Variants in DIRAS2 observed in about 807,000 individuals in gnomAD.
DIRAS2 encodes GTP-binding protein Di-Ras2.
DIRAS2 carries 5 observed loss-of-function variants against 13.9 expected under a neutral mutation model. That is an observed-to-expected ratio of 0.36 (90% CI 0.19 to 0.76). The LOEUF is 0.76. Ranked by LOEUF, DIRAS2 falls within the 30% of genes least tolerant of loss-of-function variation. The pLI, the probability that DIRAS2 is intolerant of heterozygous loss-of-function variation, is 0.53. For synonymous variants in DIRAS2, 111 were observed against 105.4 expected (o/e 1.05, Z -0.33); for missense variants, 191 against 263.0 (o/e 0.73, Z 1.89).
At chr9:90,620,339 A>T (rs904246559) in intron 1 of DIRAS2, among the ~76,000 whole-genome samples, 1 of 152,234 alleles carries the variant, frequency 6.6e-6, no homozygotes, top group Non-Finnish European at 1.5e-5. Flanking sequence ...AACAGACCTC[A>T]GCTTTATTCC....
At chr9:90,630,650 A>T (rs1037142461) in intron 1 of DIRAS2, among the ~76,000 whole-genome samples, 1 of 152,252 alleles carries the variant, frequency 6.6e-6, no homozygotes, top group Admixed American at 6.5e-5. Flanking sequence ...CAAAAAAAAG[A>T]GTTGCAGAAC....
chr9:90,623,441 A>C (rs1196957977), intron 1 of DIRAS2, among the ~76,000 whole-genome samples: 1 of 152,078 alleles, frequency 6.6e-6, no homozygotes, highest in Non-Finnish European at 1.5e-5. Context: ...AAGCTTATAC[A>C]TAGACAGCTA....
At chr9:90,634,306 G>C (rs1037850352) in intron 1 of DIRAS2, among the ~76,000 whole-genome samples, 4 of 152,210 alleles carry the variant, frequency 2.6e-5, no homozygotes, top group African/African-American at 9.6e-5. Context: ...GGTCAGAAGA[G>C]AGCAAGGGCA....
Position 90,613,982 on chromosome 9 carries a change from G to T in DIRAS2, c.-36-119C>A. On this transcript the variant is annotated intron_variant, in intron 1 of 1. Transcript: ENST00000375765. The surrounding 1 kb of genome is among the most constrained non-coding windows in gnomAD (Gnocchi z 5.6). ...GGGAGGTGATAACATTTAAAATAGCGACAATTCTAAATCCAATAAATTTGG... is the reference window on the plus strand; with the variant it reads ...GGGAGGTGATAACATTTAAAATAGCTACAATTCTAAATCCAATAAATTTGG... The T allele has an allele frequency of 9.7e-7, 1 of 1,036,232 alleles. No individual in the cohort carries two copies. The highest frequency in any genetic ancestry group is 1.4e-6 in the Non-Finnish European group (1 of 736,506). The allele number at this position is 1,036,232 out of a possible 1,614,324, so 64.2% of individuals were successfully genotyped here. A position where few individuals can be genotyped will look rare whatever the true frequency, so the allele number is the denominator to read the frequency against.
In DIRAS2 at chr9:90,642,409, A is replaced by T. The variant is rs117249017; in HGVS notation, c.-37+343T>A. Among the ~76,000 whole-genome samples the T allele has an allele frequency of 9.5e-3, 1,447 of 152,266 alleles. 10 individuals are homozygous for T. The highest frequency in any genetic ancestry group is 0.016 in the Non-Finnish European group (1,071 of 68,020). On this transcript the variant is annotated intron_variant, in intron 1 of 1. Transcript: ENST00000375765. ...TTCTCACTTTAGACCACATCTTCTT[A>T]CTCTTTTCCTAAATCCATTAAACTT... is the stretch of plus-strand genomic sequence containing the variant.
intron 1 of DIRAS2, among the ~76,000 whole-genome samples, chr9:90,619,351 G>C (rs927383606): frequency 6.6e-6 from 1 of 152,126 alleles, no homozygotes; most frequent in African/African-American, 2.4e-5. Context: ...GCTGAGGCAG[G>C]AGAATCACTT....
chr9:90,616,979 G>A (rs1005562047), intron 1 of DIRAS2, among the ~76,000 whole-genome samples: 3 of 152,132 alleles, frequency 2.0e-5, no homozygotes, highest in Non-Finnish European at 4.4e-5. Flanking sequence ...ATCTAGCTCT[G>A]CCTGGAGCCC....
intron 1 of DIRAS2, among the ~76,000 whole-genome samples, chr9:90,642,350 A>G (rs890509546): frequency 1.1e-4 from 17 of 152,236 alleles, no homozygotes; most frequent in Non-Finnish European, 2.5e-4. Flanking sequence ...AAGCATGCCG[A>G]ACCAAACGGC....
chr9:90,621,516 T>C (rs774589548), intron 1 of DIRAS2, among the ~76,000 whole-genome samples: 2 of 152,194 alleles, frequency 1.3e-5, no homozygotes, highest in Admixed American at 6.5e-5. Flanking sequence ...CCTGACTGCA[T>C]TTTAATAATT....
chr9:90,611,439 T>A lies in DIRAS2; in HGVS notation c.*1789A>T, dbSNP rs1349208242. On this transcript the variant is annotated 3_prime_UTR_variant, in exon 2 of 2. Coordinates refer to ENST00000375765, the MANE Select transcript of DIRAS2 (RefSeq NM_017594.5). ...AGGCACCTCCCACGCTCTAAACACA[T>A]CCCAAGGGTGAGTTATTGGGAGACC... 1.3e-5 allele frequency: 2 copies of A among 152,034 alleles called. No homozygotes were observed. The highest frequency in any genetic ancestry group is 2.9e-5 in the Non-Finnish European group (2 of 68,110). The allele number at this position is 152,034 out of a possible 1,614,324, so 9.4% of individuals were successfully genotyped here. A position where few individuals can be genotyped will look rare whatever the true frequency, so the allele number is the denominator to read the frequency against.
intron 1 of DIRAS2, among the ~76,000 whole-genome samples, chr9:90,629,755 A>C (rs1480760967): frequency 6.6e-6 from 1 of 152,208 alleles, no homozygotes; most frequent in Admixed American, 6.5e-5. Flanking sequence ...CTATGTAAAT[A>C]GCTGTTATGC....
intron 1 of DIRAS2, among the ~76,000 whole-genome samples, chr9:90,619,743 C>G (rs751883888): frequency 3.9e-4 from 59 of 152,076 alleles, no homozygotes; most frequent in Admixed American, 1.8e-3. Flanking sequence ...AAAATTTATA[C>G]AATGATACTC....
At chr9:90,618,009 T>A (rs1310127138) in intron 1 of DIRAS2, among the ~76,000 whole-genome samples, 1 of 152,190 alleles carries the variant, frequency 6.6e-6, no homozygotes, top group Non-Finnish European at 1.5e-5. Flanking sequence ...CACCTACAGA[T>A]TCAATGCAAT....
chr9:90,614,708 T>A (rs1425002623), intron 1 of DIRAS2, among the ~76,000 whole-genome samples: 1 of 152,196 alleles, frequency 6.6e-6, no homozygotes, highest in African/African-American at 2.4e-5. Flanking sequence ...AGTCATTTCA[T>A]TCATCAAAAT....
chr9:90,619,497 A>G (rs551916171), intron 1 of DIRAS2, among the ~76,000 whole-genome samples: 5 of 152,192 alleles, frequency 3.3e-5, no homozygotes, highest in African/African-American at 4.8e-5. Context: ...ACTCACTTGG[A>G]TGGTTATAAT....
At chr9:90,625,875 C>T (rs944228368) in intron 1 of DIRAS2, 1 of 151,994 alleles carries the variant, frequency 6.6e-6, no homozygotes, top group Non-Finnish European at 1.5e-5. Context: ...AAGGGCATTA[C>T]CAAGAAAATT....
chr9:90,634,099 A>C (rs977291839), intron 1 of DIRAS2, among the ~76,000 whole-genome samples: 2 of 152,178 alleles, frequency 1.3e-5, no homozygotes, highest in Non-Finnish European at 2.9e-5. Context: ...CTATGGTCAG[A>C]GTGGGGAGGC....
At chr9:90,618,382 C>T (rs1449500618) in intron 1 of DIRAS2, among the ~76,000 whole-genome samples, 1 of 152,130 alleles carries the variant, frequency 6.6e-6, no homozygotes, top group Non-Finnish European at 1.5e-5. Context: ...AAGGGGAGCA[C>T]CTCTCCCTCA....
At chr9:90,640,581 C>G (rs1825410125) in intron 1 of DIRAS2, among the ~76,000 whole-genome samples, 1 of 152,200 alleles carries the variant, frequency 6.6e-6, no homozygotes, top group Admixed American at 6.5e-5. Flanking sequence ...TAACCAAAAT[C>G]AGTGTCCTAC....
Sources: gnomAD v4.1 joint callset for allele counts (sites outside exome capture counted in the v4.1 genomes callset) on GRCh38, gnomAD v4.1.1 for gene constraint, Gnocchi (gnomAD v3.1) non-coding constraint, MANE v1.5 for transcripts, NCBI Gene and HGNC (gene_info 2026-07-23, HGNC 2026-07-21) for gene names.